Variants in HSD17B4 observed in about 807,000 individuals in gnomAD.
HSD17B4 encodes the protein hydroxysteroid 17-beta dehydrogenase 4.
HSD17B4 carries 70 observed loss-of-function variants against 101.0 expected under a neutral mutation model. The ratio of observed to expected loss-of-function variants is 0.69; its 90% CI spans 0.57 to 0.85. HSD17B4 has a LOEUF of 0.85. Among genes scored for constraint, HSD17B4 ranks in the 40% least tolerant of loss-of-function variants. HSD17B4 has a pLI of 0.00. For missense variants in HSD17B4, 984 were observed against 892.4 expected (o/e 1.10, Z -1.31); for synonymous variants, 347 against 297.1 (o/e 1.17, Z -1.73).
At chr5:119,471,557 A>G in intron 2 of HSD17B4, 2 of 555,264 alleles carry the variant, frequency 3.6e-6, no homozygotes, top group Non-Finnish European at 5.6e-6. Flanking sequence ...TTTAAAAAAA[A>G]TTGTGTTAAT....
chr5:119,512,219 A>T (rs1374697900), intron 16 of HSD17B4, among the ~76,000 whole-genome samples: 1 of 152,202 alleles, frequency 6.6e-6, no homozygotes, highest in Non-Finnish European at 1.5e-5. Flanking sequence ...TTAGAGAAAG[A>T]TGGAGTATCA....
At chr5:119,503,525 A>T (rs1021746284) in intron 14 of HSD17B4, among the ~76,000 whole-genome samples, 17 of 152,192 alleles carry the variant, frequency 1.1e-4, no homozygotes, top group African/African-American at 4.1e-4. Flanking sequence ...AACTGCAGAA[A>T]ACCAAGGTCA....
At chr5:119,491,995 G>T in intron 9 of HSD17B4, 105 bp from the exon 10 acceptor site, 2 of 879,084 alleles carry the variant, frequency 2.3e-6, no homozygotes, top group East Asian at 2.4e-5. Context: ...CTGTTGCCTT[G>T]AATTCTAATA....
intron 22 of HSD17B4, among the ~76,000 whole-genome samples, chr5:119,532,128 A>C (rs1318936842): frequency 1.3e-5 from 2 of 152,176 alleles, no homozygotes; most frequent in African/African-American, 4.8e-5. Flanking sequence ...CATGGCACAC[A>C]CTTTAATTAT....
chr5:119,460,073 C>G (rs1375804375), intron 2 of HSD17B4, among the ~76,000 whole-genome samples: 1 of 151,658 alleles, frequency 6.6e-6, no homozygotes. Flanking sequence ...GATGGAGTTT[C>G]ACTGTGTTAG....
chr5:119,456,332 G>T lies in HSD17B4; in HGVS notation c.76G>T (p.Ala26Ser), dbSNP rs751186437. Reference sequence around the variant, plus strand: ...TTGATTAGGATTGGGCCGAGCCTATGCCCTGGCTTTTGCAGAAAGAGGAGC... The same window carrying T: ...TTGATTAGGATTGGGCCGAGCCTATTCCCTGGCTTTTGCAGAAAGAGGAGC... ...GAGAGLGRAY[A>S]LAFAERGALV... Residue 26 changes from alanine (A) to serine (S), a missense_variant, in exon 2 of 24, where the codon GCC (alanine) becomes TCC (serine). Ala to Ser is a moderately conservative substitution (Grantham distance 99). Coordinates refer to ENST00000510025, the MANE Select transcript of HSD17B4 (RefSeq NM_000414.4). 1 of 1,611,720 alleles carries T rather than the reference G, an allele frequency of 6.2e-7. No homozygotes were observed. Among genetic ancestry groups the T allele is most frequent in the Admixed American group, 1.7e-5 (1 of 60,020 alleles).
At chr5:119,473,149 G>T (rs1038514815) in intron 2 of HSD17B4, among the ~76,000 whole-genome samples, 68 of 151,766 alleles carry the variant, frequency 4.5e-4, no homozygotes, top group African/African-American at 1.6e-3. Flanking sequence ...TCTGATTTCA[G>T]TTCTTTTGGA....
intron 7 of HSD17B4, 50 bp downstream of exon 7, chr5:119,477,551 G>T (rs765420077): frequency 3.4e-6 from 4 of 1,181,230 alleles, no homozygotes; most frequent in Non-Finnish European, 2.6e-6. Context: ...TGTGTCTGGG[G>T]GTTCTTGTGT....
chr5:119,491,777 A>G (rs1407051087), intron 9 of HSD17B4, among the ~76,000 whole-genome samples: 1 of 152,118 alleles, frequency 6.6e-6, no homozygotes, highest in African/African-American at 2.4e-5. Flanking sequence ...TTTATTTTAC[A>G]TTTGAGGAAA....
chr5:119,462,411 C>T (rs1217162885), intron 2 of HSD17B4, among the ~76,000 whole-genome samples: 7 of 151,438 alleles, frequency 4.6e-5, no homozygotes, highest in African/African-American at 1.5e-4. Flanking sequence ...CTTAGGGACC[C>T]GTGGTAGGAT....
At chr5:119,530,845 C>CAAAAAAA (rs11423247) in intron 21 of HSD17B4, among the ~76,000 whole-genome samples, 75 of 55,986 alleles carry the variant, frequency 1.3e-3, no homozygotes, top group African/African-American at 3.6e-3. Context: ...AAGTCTGTCT[C>CAAAAAAA]AAAAAAAAAA....
intron 2 of HSD17B4, among the ~76,000 whole-genome samples, chr5:119,469,630 C>T (rs567447905): frequency 1.3e-5 from 2 of 152,298 alleles, no homozygotes; most frequent in East Asian, 3.9e-4. Flanking sequence ...GCTGGGATTG[C>T]AGGCGTGAGC....
At chr5:119,539,489 C>T (rs1218678225) in intron 23 of HSD17B4, among the ~76,000 whole-genome samples, 3 of 151,492 alleles carry the variant, frequency 2.0e-5, no homozygotes, top group African/African-American at 4.9e-5. Flanking sequence ...TGCTAAATGA[C>T]GAGTTAACGG....
Position 119,473,273 on chromosome 5 carries a change from C to CTTT in HSD17B4, c.113-614_113-612dup, listed in dbSNP as rs11408993. ...TTCTTTTGCTGAAAAGTGGATGAAT[C>CTTT]TTTTTTTTTTTTTTTTTTTTTTTAC... On this transcript the variant is annotated intron_variant, in intron 2 of 23. Transcript: ENST00000510025. Among the ~76,000 whole-genome samples, 224 of 36,956 alleles carry CTTT rather than the reference C, an allele frequency of 6.1e-3. 4 individuals carry two copies. The highest frequency in any genetic ancestry group is 0.018 in the African/African-American group (169 of 9,426). 24.2% of individuals were successfully genotyped at this position (36,956 alleles called of 152,430 possible). A position where few individuals can be genotyped will look rare whatever the true frequency, so the allele number is the denominator to read the frequency against.
At chr5:119,539,002 T>G (rs1561496325) in intron 23 of HSD17B4, among the ~76,000 whole-genome samples, 1 of 152,164 alleles carries the variant, frequency 6.6e-6, no homozygotes, top group Non-Finnish European at 1.5e-5. Context: ...TCAGGTAGAT[T>G]AAAGCAAATA....
intron 17 of HSD17B4, 60 bp from the exon 18 acceptor site, chr5:119,525,156 T>A: frequency 8.7e-7 from 1 of 1,149,080 alleles, no homozygotes; most frequent in Non-Finnish European, 1.3e-6. Context: ...TTTCCTATTT[T>A]TCATTTAATG....
rs745566228 is a variant in HSD17B4, at chr5:119,531,355, T to C, written c.1944T>C (p.Ala648=). 1 of 1,613,644 alleles carries C rather than the reference T, an allele frequency of 6.2e-7. No individual in the cohort carries two copies. Among genetic ancestry groups the C allele is most frequent in the Non-Finnish European group, 8.5e-7 (1 of 1,179,658 alleles). The change falls in exon 22 of 24, where the codon GCT becomes GCC. Residue 648 remains alanine, a synonymous_variant. Coordinates refer to ENST00000510025, the MANE Select transcript of HSD17B4 (RefSeq NM_000414.4). ...CTGAGGTGGTGAAGAAAGTAAATGC[T>C]GTATTTGAGTGGCATATAACCAAAG... is the stretch of plus-strand genomic sequence containing the variant. ...IGPEVVKKVN[A]VFEWHITKGG...
intron 8 of HSD17B4, among the ~76,000 whole-genome samples, chr5:119,486,101 T>C (rs982508716): frequency 6.6e-6 from 1 of 152,164 alleles, no homozygotes; most frequent in Non-Finnish European, 1.5e-5. Flanking sequence ...TTTCTCACCA[T>C]GTGGCTTTTC....
chr5:119,459,044 CT>C (rs1490174266), intron 2 of HSD17B4, among the ~76,000 whole-genome samples: 2 of 152,212 alleles, frequency 1.3e-5, no homozygotes, highest in African/African-American at 2.4e-5. Context: ...GAATTACAAT[CT>C]TTTTAAGTAA....
Sources: allele counts gnomAD v4.1 joint callset (sites outside exome capture counted in the v4.1 genomes callset), GRCh38; gene constraint gnomAD v4.1.1; transcripts MANE v1.5; gene names NCBI Gene and HGNC (gene_info 2026-07-23, HGNC 2026-07-21).